CA10: variants seen among roughly 807,000 people sequenced by gnomAD.
CA10 encodes the protein carbonic anhydrase 10 (inactive).
In CA10, 14 loss-of-function variants were observed where a neutral mutation model predicts 44.2. The observed-to-expected ratio is 0.32, with a 90% CI of 0.21 to 0.50. The LOEUF (loss-of-function observed/expected upper bound fraction) is 0.50. CA10 is among the 20% of genes least tolerant of loss of function. The probability of loss-of-function intolerance (pLI) is 0.99; values close to 1 mark genes in which losing one functional copy is unlikely to be tolerated. For synonymous variants in CA10, 159 were observed against 141.6 expected (o/e 1.12, Z -0.87); for missense variants, 350 against 409.7 (o/e 0.85, Z 1.26).
intron 3 of CA10, among the ~76,000 whole-genome samples, chr17:51,768,101 G>A (rs563532636): frequency 7.2e-5 from 11 of 151,870 alleles, no homozygotes; most frequent in East Asian, 1.9e-4. Flanking sequence ...AATTTCCTTC[G>A]GGAAAAGTTC....
Position 52,048,044 on chromosome 17 carries a change from T to TAAA in CA10, c.136+24272_136+24274dup, listed in dbSNP as rs5820901. Among the ~76,000 whole-genome samples, 186 of 149,400 alleles carry TAAA rather than the reference T, an allele frequency of 1.2e-3. No individual in the cohort carries two copies. In the South Asian group the frequency reaches 0.014, roughly 12 times the overall value. On this transcript the variant is annotated intron_variant, in intron 2 of 8. Coordinates refer to ENST00000451037, the MANE Select transcript of CA10 (RefSeq NM_020178.5). ...TCCAATCTCCCACACCCACAAAAAT[T>TAAA]AAAAAAAAAAAAAACATTTGTTTTT...
chr17:51,647,095 T>C (rs1258468055), intron 6 of CA10, among the ~76,000 whole-genome samples: 1 of 152,082 alleles, frequency 6.6e-6, no homozygotes, highest in East Asian at 1.9e-4. Flanking sequence ...CTATTTGCAT[T>C]TCTAGGAATG....
chr17:51,938,913 A>T (rs1501259), intron 2 of CA10, among the ~76,000 whole-genome samples: 12,404 of 152,054 alleles, frequency 0.082, 1,217 homozygotes, highest in African/African-American at 0.24. Flanking sequence ...GGGAACTAGA[A>T]TTTGAGATCA....
intron 3 of CA10, among the ~76,000 whole-genome samples, chr17:51,916,599 T>C (rs1408262346): frequency 6.6e-6 from 1 of 152,134 alleles, no homozygotes; most frequent in African/African-American, 2.4e-5. Flanking sequence ...TCCACCATGA[T>C]TGTGAGGCCT....
chr17:52,085,789 A>G (rs1381907401), intron 1 of CA10, among the ~76,000 whole-genome samples: 1 of 151,946 alleles, frequency 6.6e-6, no homozygotes, highest in Non-Finnish European at 1.5e-5. Flanking sequence ...TCACTGACCA[A>G]CCCTAGTCAG....
At chr17:51,668,849 C>A (rs1056504346) in intron 4 of CA10, among the ~76,000 whole-genome samples, 1 of 152,158 alleles carries the variant, frequency 6.6e-6, no homozygotes. Context: ...GTGGGCTCAG[C>A]GCGCCCACAC....
chr17:52,052,207 A>C (rs768314822), intron 2 of CA10, among the ~76,000 whole-genome samples: 4 of 151,794 alleles, frequency 2.6e-5, no homozygotes, highest in Non-Finnish European at 5.9e-5. Context: ...GGGTGATTAA[A>C]TAATCTGAAC....
chr17:51,982,648 C>G (rs1343274197), intron 2 of CA10, among the ~76,000 whole-genome samples: 1 of 151,880 alleles, frequency 6.6e-6, no homozygotes, highest in African/African-American at 2.4e-5. Flanking sequence ...TTTTCTCTCT[C>G]TTTTTCCCTG....
At chr17:52,110,650 A>G (rs935066789) in intron 1 of CA10, among the ~76,000 whole-genome samples, 6 of 152,196 alleles carry the variant, frequency 3.9e-5, no homozygotes, top group African/African-American at 1.4e-4. Flanking sequence ...GCTGAACTCT[A>G]GCTTCAGCCT....
chr17:51,676,937 A>C (rs368808108), intron 4 of CA10, among the ~76,000 whole-genome samples: 1 of 152,148 alleles, frequency 6.6e-6, no homozygotes, highest in Non-Finnish European at 1.5e-5. Flanking sequence ...GTCCATGGCC[A>C]CAGAGTAGCC....
chr17:52,049,698 T>C (rs562636580), intron 2 of CA10, among the ~76,000 whole-genome samples: 14 of 152,186 alleles, frequency 9.2e-5, no homozygotes, highest in African/African-American at 2.9e-4. Context: ...CAAATGTGTA[T>C]GTCCCCTCAG....
chr17:51,953,063 A>T (rs187570513), intron 2 of CA10, among the ~76,000 whole-genome samples: 1 of 152,298 alleles, frequency 6.6e-6, no homozygotes, highest in East Asian at 1.9e-4. Context: ...CATGCAGCCT[A>T]GATTCAAAGT....
intron 2 of CA10, among the ~76,000 whole-genome samples, chr17:52,014,574 G>C (rs190741592): frequency 4.6e-5 from 7 of 151,992 alleles, no homozygotes; most frequent in African/African-American, 1.4e-4. Context: ...AAGGAAATAA[G>C]GTACAAAATC....
intron 3 of CA10, among the ~76,000 whole-genome samples, chr17:51,867,301 C>T (rs1431817874): frequency 2.6e-5 from 4 of 152,092 alleles, no homozygotes; most frequent in Non-Finnish European, 5.9e-5. Flanking sequence ...AAATGAGATT[C>T]TCAATATTAA....
chr17:52,034,643 A>G (rs998554208), intron 2 of CA10, among the ~76,000 whole-genome samples: 2 of 152,132 alleles, frequency 1.3e-5, no homozygotes, highest in Non-Finnish European at 2.9e-5. Context: ...GTCCAGCTCA[A>G]CCACTTCACC....
chr17:51,861,575 C>A (rs1979312938), intron 3 of CA10, among the ~76,000 whole-genome samples: 2 of 148,770 alleles, frequency 1.3e-5, no homozygotes, highest in African/African-American at 2.5e-5. Context: ...TGATTTGGGT[C>A]AACTTTCTAT....
At chr17:52,106,107 C>A (rs1988656224) in intron 1 of CA10, among the ~76,000 whole-genome samples, 1 of 152,200 alleles carries the variant, frequency 6.6e-6, no homozygotes, top group Non-Finnish European at 1.5e-5. Flanking sequence ...TTAGATTTTG[C>A]TATAGGGGCT....
chr17:51,822,316 G>C, intron 3 of CA10, among the ~76,000 whole-genome samples: 1 of 152,046 alleles, frequency 6.6e-6, no homozygotes, highest in Non-Finnish European at 1.5e-5. Context: ...TACTCAGGAG[G>C]CTGAGACACG....
At chr17:51,667,603 C>A (rs1057108373) in intron 4 of CA10, among the ~76,000 whole-genome samples, 10 of 151,498 alleles carry the variant, frequency 6.6e-5, no homozygotes, top group Non-Finnish European at 1.5e-5. Context: ...TTAGAACATC[C>A]TTCCTGCTGC....
Sources: gnomAD v4.1 joint callset for allele counts (sites outside exome capture counted in the v4.1 genomes callset) on GRCh38, gnomAD v4.1.1 for gene constraint, MANE v1.5 for transcripts, NCBI Gene and HGNC (gene_info 2026-07-23, HGNC 2026-07-21) for gene names.